The following C8B variants were observed in gnomAD, a reference collection of about 807,000 sequenced individuals.
C8B encodes the protein complement C8 beta chain.
A neutral mutation model predicts 64.6 loss-of-function variants in C8B; 67 were observed. The observed-to-expected ratio is 1.04, with a 90% CI of 0.85 to 1.27. The LOEUF (loss-of-function observed/expected upper bound fraction) is 1.27, where lower values mean the gene tolerates loss of function less well. Ranked by LOEUF, C8B falls within the 50% of genes most tolerant of loss-of-function variation. C8B has a pLI of 0.00. For synonymous variants in C8B, 284 were observed against 257.7 expected, an observed-to-expected ratio of 1.10 and a Z score of -0.98; for missense variants, 790 against 725.2, an observed-to-expected ratio of 1.09 and a Z score of -1.03.
chr1:56,952,272 C>T (rs1355798930), intron 4 of C8B, 92 bp from the exon 5 acceptor site: 2 of 1,556,720 alleles, frequency 1.3e-6, no homozygotes, highest in African/African-American at 2.7e-5. Flanking sequence ...ACAAAAACTC[C>T]TTGGCACAGC....
At chr1:56,960,288 A>G (rs1645159815) in intron 1 of C8B, 112 bp from the exon 2 acceptor site, 1 of 969,880 alleles carries the variant, frequency 1.0e-6, no homozygotes, top group Non-Finnish European at 1.6e-6. Context: ...GTGCAAGGCT[A>G]TTAGTTTATC....
chr1:56,944,124 A>T (rs1644907594), intron 7 of C8B, among the ~76,000 whole-genome samples: 1 of 152,176 alleles, frequency 6.6e-6, no homozygotes, highest in Admixed American at 6.5e-5. Flanking sequence ...CTGCTTATTG[A>T]TTCTCTAGGG....
intron 6 of C8B, among the ~76,000 whole-genome samples, chr1:56,949,073 C>A (rs567178853): frequency 6.6e-6 from 1 of 151,270 alleles, no homozygotes; most frequent in African/African-American, 2.4e-5. Context: ...CTAGTTGTAA[C>A]GTGGAATATA....
chr1:56,955,673 A>G (rs1645092419), intron 3 of C8B, among the ~76,000 whole-genome samples: 1 of 152,226 alleles, frequency 6.6e-6, no homozygotes, highest in Admixed American at 6.5e-5. Context: ...CATCAGAATC[A>G]TGGAACACAG....
In C8B at chr1:56,931,860, A is replaced by G. The variant is rs1334608171; in HGVS notation, c.1571T>C (p.Ile524Thr). The G allele has an allele frequency of 6.2e-7, 1 of 1,612,392 alleles. No individual in the cohort carries two copies. The highest frequency in any genetic ancestry group is 2.2e-5 in the East Asian group (1 of 44,848). Residue 524 changes from isoleucine (I) to threonine (T), a missense_variant, in exon 11 of 12, where the codon ATC (isoleucine) becomes ACC (threonine). Ile to Thr is a moderately conservative substitution (Grantham distance 89, BLOSUM62 -1). Transcript: ENST00000371237. ...TAGGCCTTGGGATCCAACAGGACAG[A>G]TGCAGTCACAGCGTGATCCTGAGAA... is the stretch of plus-strand genomic sequence containing the variant. ...PVLKGSRCDC[I>T]CPVGSQGLAC... is the part of the protein sequence containing the mutation.
At chr1:56,956,729 A>T (rs567801377) in intron 3 of C8B, 40 bp downstream of exon 3, 2 of 1,610,598 alleles carry the variant, frequency 1.2e-6, no homozygotes, top group South Asian at 2.2e-5. Context: ...CCATTACCTC[A>T]TTTCAGGCTT....
intron 6 of C8B, 148 bp from the exon 7 acceptor site, chr1:56,946,209 C>A: frequency 1.1e-6 from 1 of 890,544 alleles, no homozygotes; most frequent in Non-Finnish European, 1.8e-6. Context: ...AAGACAGCCT[C>A]TTTGACAAGC....
intron 6 of C8B, among the ~76,000 whole-genome samples, chr1:56,947,952 A>AAAACAAAC (rs3991683): frequency 2.6e-4 from 32 of 125,424 alleles, no homozygotes; most frequent in East Asian, 6.7e-4. Context: ...AAAACAAAAC[A>AAAACAAAC]AAACAAACAA....
At chr1:56,951,595 G>A (rs1475146444) in intron 5 of C8B, among the ~76,000 whole-genome samples, 2 of 152,204 alleles carry the variant, frequency 1.3e-5, no homozygotes, top group African/African-American at 4.8e-5. Context: ...AGCAAAAAGA[G>A]TTAACATTTT....
intron 6 of C8B, among the ~76,000 whole-genome samples, chr1:56,947,362 T>G (rs1644956963): frequency 1.3e-5 from 2 of 152,212 alleles, no homozygotes; most frequent in South Asian, 4.1e-4. Flanking sequence ...ACCACGTACG[T>G]CAGCATTCAT....
intron 9 of C8B, among the ~76,000 whole-genome samples, chr1:56,938,353 T>G (rs1644803088): frequency 6.6e-6 from 1 of 152,258 alleles, no homozygotes; most frequent in Admixed American, 6.5e-5. Flanking sequence ...ATTCTGTTAT[T>G]GTATGTTTGG....
Position 56,940,113 on chromosome 1 carries a change from A to AT in C8B, c.1398+735dup, listed in dbSNP as rs140401751. ...CCCTTAGTACCTTACTTCCTGTAGC[A>AT]TAGCAGGAATTTAGCAACTATTTGT... On this transcript the variant is annotated intron_variant, in intron 9 of 11. Transcript: ENST00000371237. Among the ~76,000 whole-genome samples, 7 of 152,238 alleles carry AT rather than the reference A, an allele frequency of 4.6e-5. No homozygotes were observed. In the East Asian group the frequency reaches 1.2e-3, roughly 25 times the overall value.
intron 4 of C8B, 27 bp downstream of exon 4, chr1:56,954,659 C>G: frequency 6.2e-7 from 1 of 1,613,834 alleles, no homozygotes; most frequent in Non-Finnish European, 8.5e-7. Flanking sequence ...GCCTTCCCAT[C>G]TACGCCACAG....
chr1:56,930,334 C>G (rs571581014), intron 11 of C8B, among the ~76,000 whole-genome samples: 1 of 152,164 alleles, frequency 6.6e-6, no homozygotes, highest in Non-Finnish European at 1.5e-5. Context: ...TCAATCACTT[C>G]CATCACAATT....
intron 9 of C8B, among the ~76,000 whole-genome samples, chr1:56,934,055 T>G (rs1644740970): frequency 6.6e-6 from 1 of 151,980 alleles, no homozygotes; most frequent in Non-Finnish European, 1.5e-5. Context: ...ACAACTTCCC[T>G]CCATTAATCA....
intron 1 of C8B, among the ~76,000 whole-genome samples, chr1:56,964,570 C>T (rs1036403953): frequency 3.9e-5 from 6 of 152,222 alleles, no homozygotes; most frequent in African/African-American, 7.2e-5. Flanking sequence ...CACCCACGCA[C>T]CTGTAGAGAT....
chr1:56,954,362 G>GCT (rs1645069432), intron 4 of C8B, among the ~76,000 whole-genome samples: 4 of 152,128 alleles, frequency 2.6e-5, no homozygotes, highest in Non-Finnish European at 5.9e-5. Context: ...CACCTAACAT[G>GCT]GTCACACTGC....
chr1:56,963,582 G>C (rs1645209257), intron 1 of C8B, among the ~76,000 whole-genome samples: 1 of 148,186 alleles, frequency 6.7e-6, no homozygotes, highest in African/African-American at 2.5e-5. Flanking sequence ...TGGAGGTTGG[G>C]GGGTGGTGGG....
chr1:56,952,298 T>C, intron 4 of C8B, 118 bp from the exon 5 acceptor site: 2 of 1,387,124 alleles, frequency 1.4e-6, no homozygotes, highest in Non-Finnish European at 1.0e-6. Context: ...AGGCCCTTGA[T>C]ACCTGGTCCA....
Sources: allele counts gnomAD v4.1 joint callset (sites outside exome capture counted in the v4.1 genomes callset), GRCh38; gene constraint gnomAD v4.1.1; transcripts MANE v1.5; gene names NCBI Gene and HGNC (gene_info 2026-07-23, HGNC 2026-07-21).